EYS: variants seen among roughly 807,000 people sequenced by gnomAD.
The protein encoded by EYS is EGF-like photoreceptor maintenance factor, also known as protein eyes shut homolog.
In EYS, 250 loss-of-function variants were observed where a neutral mutation model predicts 282.1. That is an observed-to-expected ratio of 0.89 (90% CI 0.80 to 0.98). The LOEUF is 0.98. Among genes scored for constraint, EYS ranks in the 50% least tolerant of loss-of-function variants. The pLI is 0.00. For missense variants in EYS, 4,016 were observed against 3,709.0 expected (o/e 1.08, Z -2.15); for synonymous variants, 1,355 against 1,282.9 (o/e 1.06, Z -1.20).
At chr6:65,206,990 A>G (rs1257238372) in intron 12 of EYS, among the ~76,000 whole-genome samples, 6 of 151,756 alleles carry the variant, frequency 4.0e-5, no homozygotes, top group African/African-American at 1.4e-4. Flanking sequence ...CCTCTCAAAA[A>G]TACTATTCAA....
At chr6:65,402,449 A>G (rs754075301) in intron 7 of EYS, 29 bp downstream of exon 7, 5 of 1,393,790 alleles carry the variant, frequency 3.6e-6, no homozygotes, top group Non-Finnish European at 4.1e-6. Context: ...TGTACTTTGT[A>G]TTAAAAATAA....
At chr6:64,185,060 C>G (rs1453076358) in intron 31 of EYS, among the ~76,000 whole-genome samples, 2 of 152,074 alleles carry the variant, frequency 1.3e-5, no homozygotes, top group African/African-American at 4.8e-5. Flanking sequence ...GCCACTTCCA[C>G]CATGTGAGGT....
At chr6:64,409,859 CAT>C (rs201844141) in intron 28 of EYS, among the ~76,000 whole-genome samples, 1,662 of 152,086 alleles carry the variant, frequency 0.011, 32 homozygotes, top group African/African-American at 0.038. Flanking sequence ...TTTTTAAAGA[CAT>C]GTACTATGAA....
In EYS at chr6:63,727,723, A is replaced by ATATATATATATAT. The variant is rs1409002144; in HGVS notation, c.8072-1044_8072-1043insATATATATATATA. Among the ~76,000 whole-genome samples, 12 of 64,442 alleles carry ATATATATATATAT rather than the reference A, an allele frequency of 1.9e-4. 1 individual carries two copies. Among genetic ancestry groups the ATATATATATATAT allele is most frequent in the African/African-American group, 1.2e-3 (10 of 8,224 alleles). The allele number at this position is 64,442 out of a possible 152,430, so 42.3% of individuals were successfully genotyped here. A position where few individuals can be genotyped will look rare whatever the true frequency, so the allele number is the denominator to read the frequency against. ...CCATCTCTCAAAAAAAAAAAAAAAA[A>ATATATATATATAT]AAAAAAAAAAAAAAATATATATATA... On this transcript the variant is annotated intron_variant, in intron 41 of 42. Transcript: ENST00000503581.
chr6:63,758,085 A>G (rs1434740979), intron 41 of EYS, among the ~76,000 whole-genome samples: 3 of 151,948 alleles, frequency 2.0e-5, no homozygotes, highest in African/African-American at 7.2e-5. Context: ...TTTTTTTTGT[A>G]GAGATGAGGA....
At chr6:64,361,211 G>T (rs962501842) in intron 29 of EYS, among the ~76,000 whole-genome samples, 40 of 150,232 alleles carry the variant, frequency 2.7e-4, no homozygotes, top group East Asian at 5.9e-4. Flanking sequence ...AGAAAATATG[G>T]TTTTTTTTTG....
At chr6:64,021,036 T>C (rs1276624288) in intron 33 of EYS, among the ~76,000 whole-genome samples, 2 of 152,188 alleles carry the variant, frequency 1.3e-5, no homozygotes, top group Non-Finnish European at 2.9e-5. Context: ...CTTATCATTA[T>C]TACTATAGTC....
chr6:65,526,907 A>T (rs1249684508), intron 2 of EYS, among the ~76,000 whole-genome samples: 1 of 152,192 alleles, frequency 6.6e-6, no homozygotes, highest in East Asian at 1.9e-4. Flanking sequence ...AGCTTCTCTA[A>T]AACTCAACCC....
In EYS at chr6:65,495,499, T is replaced by A. The variant is rs1425910454; in HGVS notation, c.-89A>T. 1.4e-6 allele frequency: 2 copies of A among 1,401,550 alleles called. No homozygotes were observed. The highest frequency in any genetic ancestry group is 2.0e-6 in the Non-Finnish European group (2 of 1,013,480). The allele number at this position is 1,401,550 out of a possible 1,614,324, so 86.8% of individuals were successfully genotyped here. On this transcript the variant is annotated 5_prime_UTR_variant, in exon 4 of 43. Transcript: ENST00000503581. ...TACCGGAAATTTCCAAGTAAAGTTGTGGTTAAGGATTCCTGGGAATTGGAA... is the reference window on the plus strand; with the variant it reads ...TACCGGAAATTTCCAAGTAAAGTTGAGGTTAAGGATTCCTGGGAATTGGAA...
chr6:63,723,023 C>G (rs756917706), intron 42 of EYS, among the ~76,000 whole-genome samples: 3 of 152,078 alleles, frequency 2.0e-5, no homozygotes, highest in Non-Finnish European at 4.4e-5. Context: ...CAGTTGATTC[C>G]CAGCACCCAA....
intron 26 of EYS, among the ~76,000 whole-genome samples, chr6:64,478,139 T>C (rs1251221283): frequency 6.6e-6 from 1 of 152,074 alleles, no homozygotes; most frequent in African/African-American, 2.4e-5. Flanking sequence ...AGATACTGAA[T>C]TTCTCTGTAA....
At chr6:64,470,065 C>T (rs764219836) in intron 26 of EYS, among the ~76,000 whole-genome samples, 12 of 152,246 alleles carry the variant, frequency 7.9e-5, no homozygotes, top group Non-Finnish European at 1.5e-4. Context: ...GGAGATGGCT[C>T]ACACTCCTTA....
intron 12 of EYS, among the ~76,000 whole-genome samples, chr6:65,193,174 C>T (rs1325819062): frequency 2.0e-5 from 3 of 151,762 alleles, no homozygotes; most frequent in Non-Finnish European, 2.9e-5. Context: ...TTCATTATTA[C>T]AACAATTCAA....
At position 64,997,646 on chromosome 6, in the gene EYS, T is replaced by C. The variant is rs1331840925; in HGVS notation, c.2195A>G (p.Gln732Arg). The change falls in exon 14 of 43, where the codon CAG (glutamine) becomes CGG (arginine). Residue 732 changes from glutamine to arginine, a missense_variant. By Grantham distance (43) the Gln-to-Arg change is conservative (BLOSUM62 1). Transcript: ENST00000503581. ...ATTCAGGATGCAGTCATCAATGTCCTGTTCACATCTTATCCCAACATAGCC... is the reference window on the plus strand; with the variant it reads ...ATTCAGGATGCAGTCATCAATGTCCCGTTCACATCTTATCCCAACATAGCC... The part of the protein sequence containing the change: ...NPGYVGIRCE[Q>R]DIDDCILNAC... 1.3e-6 allele frequency: 2 copies of C among 1,551,282 alleles called. No individual in the cohort carries two copies. Among genetic ancestry groups the C allele is most frequent in the Non-Finnish European group, 8.7e-7 (1 of 1,146,602 alleles).
intron 28 of EYS, among the ~76,000 whole-genome samples, chr6:64,395,797 A>C (rs1344246655): frequency 4.6e-5 from 7 of 151,996 alleles, no homozygotes; most frequent in African/African-American, 1.7e-4. Context: ...AAAAAAAGAA[A>C]AAAAAACAAA....
intron 40 of EYS, among the ~76,000 whole-genome samples, chr6:63,766,540 G>A (rs1319524912): frequency 6.6e-6 from 1 of 152,054 alleles, no homozygotes; most frequent in Non-Finnish European, 1.5e-5. Context: ...TGAAGTAGAT[G>A]TGAGAGGCAT....
intron 28 of EYS, among the ~76,000 whole-genome samples, chr6:64,430,084 G>A (rs555258853): frequency 7.9e-5 from 12 of 152,162 alleles, no homozygotes; most frequent in Non-Finnish European, 1.0e-4. Flanking sequence ...AAGTATTCCC[G>A]CTCTAATTGA....
chr6:65,239,026 A>T (rs1766993751), intron 12 of EYS, among the ~76,000 whole-genome samples: 1 of 152,070 alleles, frequency 6.6e-6, no homozygotes, highest in Non-Finnish European at 1.5e-5. Flanking sequence ...TGAGAATATC[A>T]TAGGCTTACT....
At chr6:65,308,299 T>C (rs1019747717) in intron 11 of EYS, among the ~76,000 whole-genome samples, 1 of 29,356 alleles carries the variant, frequency 3.4e-5, no homozygotes, top group African/African-American at 1.2e-4. Flanking sequence ...TTTTAGATAA[T>C]GTCTTGCCTG....
Sources: gnomAD v4.1 joint callset for allele counts (sites outside exome capture counted in the v4.1 genomes callset) on GRCh38, gnomAD v4.1.1 for gene constraint, MANE v1.5 for transcripts, NCBI Gene and HGNC (gene_info 2026-07-23, HGNC 2026-07-21) for gene names.